Variants in UVRAG observed in about 807,000 individuals in gnomAD.
UVRAG encodes the protein UV radiation resistance-associated gene protein.
UVRAG carries 19 observed loss-of-function variants against 78.0 expected under a neutral mutation model. That is an observed-to-expected ratio of 0.24 (90% confidence interval 0.17 to 0.36). The LOEUF is 0.36. Ranked by LOEUF, UVRAG falls within the 10% of genes least tolerant of loss-of-function variation. The pLI is 1.00. For missense variants in UVRAG, 740 were observed against 853.8 expected, an observed-to-expected ratio of 0.87 and a Z score of 1.66; for synonymous variants, 323 against 324.6, an observed-to-expected ratio of 1.00 and a Z score of 0.05.
chr11:75,896,696 C>T (rs1249052002), intron 5 of UVRAG, among the ~76,000 whole-genome samples: 2 of 152,138 alleles, frequency 1.3e-5, no homozygotes, highest in Non-Finnish European at 2.9e-5. Context: ...AAGGTGAATG[C>T]TTGCTGTGTT....
chr11:75,904,007 G>A (rs1438360472), intron 5 of UVRAG, among the ~76,000 whole-genome samples: 1 of 152,162 alleles, frequency 6.6e-6, no homozygotes, highest in East Asian at 1.9e-4. Flanking sequence ...ACAGGGATAA[G>A]CAAACTGTAG....
intron 2 of UVRAG, among the ~76,000 whole-genome samples, chr11:75,852,400 A>G (rs1162016019): frequency 6.6e-6 from 1 of 152,130 alleles, no homozygotes; most frequent in African/African-American, 2.4e-5. Flanking sequence ...TATATATGGG[A>G]TCTTTTTCAG....
chr11:76,139,072 G>A (rs1046333817), intron 14 of UVRAG, among the ~76,000 whole-genome samples: 1 of 152,158 alleles, frequency 6.6e-6, no homozygotes, highest in Non-Finnish European at 1.5e-5. Context: ...AGTTCTATAT[G>A]TACCCCAGTG....
chr11:76,075,412 AC>A (rs1397546746), intron 13 of UVRAG, among the ~76,000 whole-genome samples: 4 of 152,112 alleles, frequency 2.6e-5, no homozygotes, highest in Non-Finnish European at 5.9e-5. Context: ...GGAGTTTGAG[AC>A]CAGCCTGGCC....
At chr11:76,049,619 G>A (rs901843684) in intron 12 of UVRAG, among the ~76,000 whole-genome samples, 5 of 152,324 alleles carry the variant, frequency 3.3e-5, no homozygotes, top group Admixed American at 2.0e-4. Flanking sequence ...CAGAGGCTTA[G>A]AAGTCAGACA....
rs182291335 is a variant in UVRAG at position 75,976,326 on chromosome 11, C to G, written c.700-7061C>G. 1.6e-3 allele frequency among the ~76,000 whole-genome samples: 238 copies of G among 152,260 alleles called. 5 individuals are homozygous for G. The highest frequency in any genetic ancestry group is 5.2e-3 in the African/African-American group (218 of 41,538). Reference sequence around the variant, plus strand: ...TCATCAGGGATATTGATCTAAAATTCTCTTTTTTCATTGTGTCTCTGCCAG... The same window carrying G: ...TCATCAGGGATATTGATCTAAAATTGTCTTTTTTCATTGTGTCTCTGCCAG... On this transcript the variant is annotated intron_variant, in intron 7 of 14. Transcript: ENST00000356136.
rs564188696 is a variant in UVRAG, at chr11:76,119,250, C to T, written c.1397+3235C>T. On this transcript the variant is annotated intron_variant, in intron 14 of 14. Coordinates refer to ENST00000356136, the MANE Select transcript of UVRAG (RefSeq NM_003369.4). ...TCCTTGTTATCTTCCACAGGACTGC[C>T]CTCTCCTGGCTTTCTGCTTCTAGCT... 2.0e-4 allele frequency among the ~76,000 whole-genome samples: 31 copies of T among 152,276 alleles called. No individual in the cohort carries two copies. In the South Asian group the frequency reaches 5.8e-3, roughly 29 times the overall value.
chr11:76,068,669 C>A (rs182271991), intron 13 of UVRAG, among the ~76,000 whole-genome samples: 2 of 152,194 alleles, frequency 1.3e-5, no homozygotes, highest in Non-Finnish European at 2.9e-5. Context: ...TTCTGTCTCT[C>A]GCTGTTTCTC....
intron 13 of UVRAG, among the ~76,000 whole-genome samples, chr11:76,092,580 G>T (rs1289839033): frequency 6.6e-6 from 1 of 152,212 alleles, no homozygotes; most frequent in Non-Finnish European, 1.5e-5. Flanking sequence ...GCATTTCTCT[G>T]ATGGCCAGTG....
chr11:75,954,722 A>G (rs1250511447), intron 6 of UVRAG, among the ~76,000 whole-genome samples: 1 of 152,240 alleles, frequency 6.6e-6, no homozygotes, highest in Non-Finnish European at 1.5e-5. Flanking sequence ...AATACACCTT[A>G]GAAGATGAAA....
At chr11:75,908,846 TGAGTCATTTTGGTA>T (rs990622062) in intron 5 of UVRAG, among the ~76,000 whole-genome samples, 17 of 151,982 alleles carry the variant, frequency 1.1e-4, no homozygotes, top group East Asian at 1.9e-4. Context: ...TGTTTCTTCT[TGAGTCATTTTGGTA>T]GAGTCATTTT....
intron 8 of UVRAG, among the ~76,000 whole-genome samples, chr11:75,999,407 G>T (rs544008553): frequency 6.6e-6 from 1 of 151,856 alleles, no homozygotes; most frequent in African/African-American, 2.4e-5. Flanking sequence ...TTTTGAGACA[G>T]AGTCTCACTC....
chr11:76,046,374 GAA>G (rs1309341817), intron 12 of UVRAG, among the ~76,000 whole-genome samples: 2 of 152,174 alleles, frequency 1.3e-5, no homozygotes, highest in African/African-American at 4.8e-5. Context: ...AAGGCACCAA[GAA>G]AGAGTGAAAC....
At chr11:76,063,369 G>A (rs947918107) in intron 12 of UVRAG, among the ~76,000 whole-genome samples, 1 of 152,156 alleles carries the variant, frequency 6.6e-6, no homozygotes, top group Non-Finnish European at 1.5e-5. Flanking sequence ...ATAAAGGTGG[G>A]CTCTGATAAT....
At chr11:76,029,240 T>C (rs1950390561) in intron 12 of UVRAG, among the ~76,000 whole-genome samples, 1 of 152,234 alleles carries the variant, frequency 6.6e-6, no homozygotes, top group Admixed American at 6.5e-5. Flanking sequence ...AAAATATTAC[T>C]GTTCATTGAA....
At position 75,842,446 on chromosome 11, in the gene UVRAG, T is replaced by C. The variant is rs551293371; in HGVS notation, c.118-9437T>C. 4.0e-3 allele frequency among the ~76,000 whole-genome samples: 607 copies of C among 150,292 alleles called. 5 individuals are homozygous for C. The highest frequency in any genetic ancestry group is 0.014 in the African/African-American group (565 of 41,042). Reference sequence around the variant, plus strand: ...ACTGTGACCTGCCTTTTCTTTCTTTTTTTTTTTTTTTTTGAGACGGAGTCT... The same window carrying C: ...ACTGTGACCTGCCTTTTCTTTCTTTCTTTTTTTTTTTTTGAGACGGAGTCT... On this transcript the variant is annotated intron_variant, in intron 1 of 14. Transcript: ENST00000356136.
At chr11:75,865,014 G>A in intron 3 of UVRAG, among the ~76,000 whole-genome samples, 1 of 152,200 alleles carries the variant, frequency 6.6e-6, no homozygotes, top group East Asian at 1.9e-4. Context: ...GAGGCCGAGT[G>A]TGGTGGCCTA....
intron 6 of UVRAG, among the ~76,000 whole-genome samples, chr11:75,959,000 A>G (rs1474862560): frequency 6.6e-6 from 1 of 152,220 alleles, no homozygotes; most frequent in Non-Finnish European, 1.5e-5. Context: ...AGTAGGTCTC[A>G]AGAGTCCTAA....
intron 12 of UVRAG, among the ~76,000 whole-genome samples, chr11:76,049,122 G>A (rs1054945307): frequency 6.6e-6 from 1 of 152,220 alleles, no homozygotes; most frequent in Non-Finnish European, 1.5e-5. Context: ...TGAAGGGGCT[G>A]CTGAATAAAG....
Sources: allele counts gnomAD v4.1 joint callset (sites outside exome capture counted in the v4.1 genomes callset), GRCh38; gene constraint gnomAD v4.1.1; transcripts MANE v1.5; gene names NCBI Gene and HGNC (gene_info 2026-07-23, HGNC 2026-07-21).